The following FOXP1 variants were observed in gnomAD, a reference collection of about 807,000 sequenced individuals.
FOXP1 encodes forkhead box protein P1.
In FOXP1, 15 loss-of-function variants were observed where a neutral mutation model predicts 98.2. The ratio of observed to expected loss-of-function variants is 0.15; its 90% CI spans 0.10 to 0.24. FOXP1 has a LOEUF of 0.24. Ranked by LOEUF, FOXP1 falls within the 10% of genes least tolerant of loss-of-function variation. The pLI, the probability that FOXP1 is intolerant of heterozygous loss-of-function variation, is 1.00. For synonymous variants in FOXP1, 371 were observed against 314.5 expected, an observed-to-expected ratio of 1.18 and a Z score of -1.90; for missense variants, 633 against 848.5, an observed-to-expected ratio of 0.75 and a Z score of 3.15.
At chr3:71,105,438 T>C (rs1032475168) in intron 7 of FOXP1, among the ~76,000 whole-genome samples, 2 of 152,148 alleles carry the variant, frequency 1.3e-5, no homozygotes, top group Non-Finnish European at 2.9e-5. Flanking sequence ...AACTAATGAC[T>C]CCAACCCTAG....
intron 2 of FOXP1, chr3:71,573,882 G>A (rs1417096411): frequency 1.3e-5 from 2 of 152,068 alleles, no homozygotes; most frequent in Non-Finnish European, 1.5e-5. Context: ...ATTCCCTAAT[G>A]AAATATCAGT....
At chr3:71,124,142 T>A (rs9864073) in intron 6 of FOXP1, among the ~76,000 whole-genome samples, 51,457 of 149,966 alleles carry the variant, frequency 0.34, 8,978 homozygotes, top group Middle Eastern at 0.42. Flanking sequence ...TATATTTTTT[T>A]AAAAAAAAAA....
chr3:71,482,367 C>CTTT (rs11464442), intron 3 of FOXP1, among the ~76,000 whole-genome samples: 26 of 114,114 alleles, frequency 2.3e-4, no homozygotes, highest in East Asian at 1.4e-3. Flanking sequence ...AATACATAAC[C>CTTT]TTTTTTTTTT....
chr3:71,148,400 A>G (rs1409651354), intron 6 of FOXP1, among the ~76,000 whole-genome samples: 1 of 152,152 alleles, frequency 6.6e-6, no homozygotes, highest in East Asian at 1.9e-4. Context: ...AAAAAAACTA[A>G]TAATAACAAC....
intron 4 of FOXP1, among the ~76,000 whole-genome samples, chr3:71,354,083 G>A (rs1416409253): frequency 1.3e-5 from 2 of 149,594 alleles, no homozygotes; most frequent in Non-Finnish European, 2.9e-5. Context: ...GAGATGAGCG[G>A]ATCACAAGAT....
At chr3:71,570,965 A>AT (rs11391200) in intron 2 of FOXP1, 85,315 of 152,008 alleles carry the variant, frequency 0.56, 25,148 homozygotes, top group Non-Finnish European at 0.63. Context: ...TTTGTGATGC[A>AT]TTTTTTTAAA....
intron 11 of FOXP1, chr3:71,040,518 G>A (rs1487468456): frequency 6.6e-6 from 1 of 152,120 alleles, no homozygotes; most frequent in Non-Finnish European, 1.5e-5. Context: ...ATGCTTCTGG[G>A]TACTAAGAAT....
chr3:71,153,602 C>T (rs6790679), intron 6 of FOXP1, among the ~76,000 whole-genome samples: 51,455 of 149,756 alleles, frequency 0.34, 9,740 homozygotes, highest in East Asian at 0.7. Flanking sequence ...CTTGGTTAAA[C>T]ATGAAATGAC....
At chr3:71,273,049 A>G (rs2070536172) in intron 5 of FOXP1, among the ~76,000 whole-genome samples, 1 of 152,176 alleles carries the variant, frequency 6.6e-6, no homozygotes, top group Admixed American at 6.5e-5. Flanking sequence ...GTGTGTGCGC[A>G]TCCATCTGGC....
intron 2 of FOXP1, chr3:71,572,407 A>G (rs1167949610): frequency 6.6e-6 from 1 of 152,224 alleles, no homozygotes; most frequent in African/African-American, 2.4e-5. Flanking sequence ...GCTCAAATTT[A>G]AAGAACTTGT....
At chr3:71,469,124 A>G (rs569639690) in intron 3 of FOXP1, among the ~76,000 whole-genome samples, 3 of 152,340 alleles carry the variant, frequency 2.0e-5, no homozygotes, top group South Asian at 2.1e-4. Flanking sequence ...AATAACAATA[A>G]AAGTGCAAAT....
At chr3:71,018,931 G>A (rs1328879662) in intron 11 of FOXP1, among the ~76,000 whole-genome samples, 1 of 152,168 alleles carries the variant, frequency 6.6e-6, no homozygotes, top group Admixed American at 6.5e-5. Context: ...GTGCTATGCA[G>A]GACTTGATTT....
intron 2 of FOXP1, among the ~76,000 whole-genome samples, chr3:71,499,933 AAATAAT>A (rs201777301): frequency 1.3e-5 from 2 of 152,126 alleles, no homozygotes; most frequent in Non-Finnish European, 2.9e-5. Context: ...TCTGTTTTTA[AAATAAT>A]AATAATAATA....
chr3:71,151,528 G>A (rs2060571672), intron 6 of FOXP1, among the ~76,000 whole-genome samples: 2 of 152,028 alleles, frequency 1.3e-5, no homozygotes, highest in Admixed American at 6.6e-5. Context: ...AACCACTTGG[G>A]AAGAAACACG....
At chr3:71,388,547 C>T (rs1398159548) in intron 3 of FOXP1, among the ~76,000 whole-genome samples, 1 of 151,994 alleles carries the variant, frequency 6.6e-6, no homozygotes, top group African/African-American at 2.4e-5. Flanking sequence ...CATTGTAACA[C>T]CGGTTATTAT....
Position 71,544,450 on chromosome 3 carries a change from C to T in FOXP1, c.-298+37099G>A, listed in dbSNP as rs140214987. On this transcript the variant is annotated intron_variant, in intron 2 of 20. Transcript: ENST00000649528. ...GAAAGACTAGACAGACTCTGCTGAT[C>T]GTGGAAGTACTACAAGTGAACAAAG... 5.3e-3 allele frequency among the ~76,000 whole-genome samples: 792 copies of T among 149,906 alleles called. 10 individuals are homozygous for T. The highest frequency in any genetic ancestry group is 0.019 in the African/African-American group (761 of 41,024).
chr3:71,535,637 A>T (rs2107567804), intron 2 of FOXP1, among the ~76,000 whole-genome samples: 1 of 152,258 alleles, frequency 6.6e-6, no homozygotes, highest in South Asian at 2.1e-4. Context: ...CTGAGGTAGG[A>T]TCTTTGAGCC....
chr3:71,283,310 C>A (rs2071762131), intron 5 of FOXP1, among the ~76,000 whole-genome samples: 1 of 152,024 alleles, frequency 6.6e-6, no homozygotes, highest in Non-Finnish European at 1.5e-5. Flanking sequence ...CAACCCCCAG[C>A]AGCACCCTTC....
intron 7 of FOXP1, among the ~76,000 whole-genome samples, chr3:71,071,049 C>A (rs575992134): frequency 2.6e-5 from 4 of 152,306 alleles, no homozygotes; most frequent in African/African-American, 9.6e-5. Flanking sequence ...TTTTCCGGGG[C>A]TCTGCGCTCG....
Sources: allele counts gnomAD v4.1 joint callset (sites outside exome capture counted in the v4.1 genomes callset), GRCh38; gene constraint gnomAD v4.1.1; transcripts MANE v1.5; gene names NCBI Gene and HGNC (gene_info 2026-07-23, HGNC 2026-07-21).